The following CADPS2 variants were observed in gnomAD, a reference collection of about 807,000 sequenced individuals.
The protein encoded by CADPS2 is calcium dependent secretion activator 2.
CADPS2 carries 93 observed loss-of-function variants against 172.5 expected under a neutral mutation model. The ratio of observed to expected loss-of-function variants is 0.54; its 90% CI spans 0.46 to 0.64. The LOEUF (loss-of-function observed/expected upper bound fraction) is 0.64. Among genes scored for constraint, CADPS2 ranks in the 30% least tolerant of loss-of-function variants. The probability of loss-of-function intolerance (pLI) is 0.00; values close to 1 mark genes in which losing one functional copy is unlikely to be tolerated. For missense variants in CADPS2, 1,420 were observed against 1,565.9 expected, an observed-to-expected ratio of 0.91 and a Z score of 1.57; for synonymous variants, 546 against 555.2, an observed-to-expected ratio of 0.98 and a Z score of 0.23.
chr7:122,480,903 G>A (rs2057209261), intron 11 of CADPS2, 43 bp from the exon 12 acceptor site: 1 of 1,479,338 alleles, frequency 6.8e-7, no homozygotes. Context: ...ATATTTAAAT[G>A]GGTTGGGAAC....
At chr7:122,779,739 C>T (rs557359771) in intron 1 of CADPS2, among the ~76,000 whole-genome samples, 1 of 152,304 alleles carries the variant, frequency 6.6e-6, no homozygotes, top group Admixed American at 6.5e-5. Context: ...ACGATTCTCA[C>T]AGGTAGAATC....
chr7:122,493,539 T>G (rs2058480544), intron 9 of CADPS2, among the ~76,000 whole-genome samples: 1 of 152,062 alleles, frequency 6.6e-6, no homozygotes, highest in East Asian at 1.9e-4. Context: ...AAATGCTGAT[T>G]AGATAAGCAA....
chr7:122,843,856 T>C (rs144794886), intron 1 of CADPS2, among the ~76,000 whole-genome samples: 3,747 of 151,990 alleles, frequency 0.025, 78 homozygotes, highest in Non-Finnish European at 0.034. Flanking sequence ...GAGGCAAAAG[T>C]GTAAAGTGAA....
At chr7:122,853,823 G>T (rs1277321117) in intron 1 of CADPS2, among the ~76,000 whole-genome samples, 1 of 152,172 alleles carries the variant, frequency 6.6e-6, no homozygotes, top group Non-Finnish European at 1.5e-5. Context: ...AAGCGGATGT[G>T]GGGAAGGGAG....
chr7:122,499,131 G>A (rs139917331), intron 9 of CADPS2, among the ~76,000 whole-genome samples: 5 of 152,176 alleles, frequency 3.3e-5, no homozygotes, highest in Non-Finnish European at 7.3e-5. Flanking sequence ...AATTCTGAGG[G>A]TTAATTTTCC....
chr7:122,356,503 T>G (rs1176348060), intron 27 of CADPS2, among the ~76,000 whole-genome samples: 1 of 152,164 alleles, frequency 6.6e-6, no homozygotes, highest in East Asian at 1.9e-4. Context: ...CCATCTTCCT[T>G]TGCTTATTGT....
At chr7:122,793,607 G>C (rs1795746957) in intron 1 of CADPS2, among the ~76,000 whole-genome samples, 1 of 152,070 alleles carries the variant, frequency 6.6e-6, no homozygotes, top group Non-Finnish European at 1.5e-5. Context: ...TCTTTTAATT[G>C]GGACATTTAA....
At chr7:122,338,360 C>T (rs1486042192) in intron 28 of CADPS2, among the ~76,000 whole-genome samples, 1 of 152,130 alleles carries the variant, frequency 6.6e-6, no homozygotes, top group Non-Finnish European at 1.5e-5. Context: ...CGCCACTGCA[C>T]TCTAGCTTGG....
intron 1 of CADPS2, among the ~76,000 whole-genome samples, chr7:122,874,868 T>A (rs1342857497): frequency 6.6e-6 from 1 of 152,084 alleles, no homozygotes; most frequent in Non-Finnish European, 1.5e-5. Context: ...TTATACCTTA[T>A]ACAAAAATTA....
rs1813038345 is a variant in CADPS2 at position 122,849,829 on chromosome 7, T to C, written c.339+36170A>G. The C allele has an allele frequency of 1.3e-5, 7 of 556,958 alleles. No individual in the cohort carries two copies. The Admixed American group carries it at 1.6e-4, about 12-fold the overall frequency. 34.5% of individuals were successfully genotyped at this position (556,958 alleles called of 1,614,324 possible). On this transcript the variant is annotated intron_variant, in intron 1 of 29. Transcript: ENST00000449022. Reference sequence around the variant, plus strand: ...CATCCCTCAGCACCATCAACTATGATGAGTTTCCCACTATGGTGTTTCCTT... The same window carrying C: ...CATCCCTCAGCACCATCAACTATGACGAGTTTCCCACTATGGTGTTTCCTT...
At chr7:122,809,466 A>G (rs1441390918) in intron 1 of CADPS2, among the ~76,000 whole-genome samples, 1 of 151,728 alleles carries the variant, frequency 6.6e-6, no homozygotes, top group African/African-American at 2.4e-5. Flanking sequence ...CTGTAATCCC[A>G]GCTACTCGGG....
At chr7:122,856,264 AT>A in intron 1 of CADPS2, among the ~76,000 whole-genome samples, 1 of 152,242 alleles carries the variant, frequency 6.6e-6, no homozygotes, top group East Asian at 1.9e-4. Flanking sequence ...CCTCATTGGA[AT>A]ATCCCCAAAT....
intron 14 of CADPS2, among the ~76,000 whole-genome samples, chr7:122,460,821 T>C (rs540846025): frequency 1.3e-5 from 2 of 152,262 alleles, no homozygotes; most frequent in South Asian, 4.1e-4. Flanking sequence ...TTTCCAGGAC[T>C]AAATAATTTG....
chr7:122,826,296 C>G (rs1032462190), intron 1 of CADPS2, among the ~76,000 whole-genome samples: 1 of 152,182 alleles, frequency 6.6e-6, no homozygotes. Context: ...CAGTGTTCTC[C>G]TTTCTCATGG....
intron 7 of CADPS2, among the ~76,000 whole-genome samples, chr7:122,564,549 C>T (rs2066156717): frequency 2.0e-5 from 3 of 152,016 alleles, no homozygotes; most frequent in Admixed American, 2.0e-4. Flanking sequence ...CCTCGTGATC[C>T]ACCTACCTCG....
At chr7:122,760,698 A>G (rs1032360663) in intron 1 of CADPS2, among the ~76,000 whole-genome samples, 3 of 151,788 alleles carry the variant, frequency 2.0e-5, no homozygotes, top group African/African-American at 7.3e-5. Context: ...TATTCTCAGC[A>G]AACTATCGCA....
intron 23 of CADPS2, among the ~76,000 whole-genome samples, 164 bp downstream of exon 23, chr7:122,388,419 A>G (rs949763196): frequency 2.6e-5 from 4 of 152,076 alleles, no homozygotes; most frequent in Non-Finnish European, 4.4e-5. Flanking sequence ...CATCAATTAC[A>G]TGGGTCCCCA....
At chr7:122,463,027 T>A (rs1445042071) in intron 14 of CADPS2, among the ~76,000 whole-genome samples, 1 of 152,120 alleles carries the variant, frequency 6.6e-6, no homozygotes, top group Non-Finnish European at 1.5e-5. Context: ...AAAACCACCA[T>A]GACAGTGGTA....
chr7:122,527,490 T>G (rs1586869480), intron 8 of CADPS2, among the ~76,000 whole-genome samples: 1 of 151,428 alleles, frequency 6.6e-6, no homozygotes, highest in East Asian at 1.9e-4. Context: ...ATTCAGTATC[T>G]CTTTTCTTTG....
Sources: allele counts gnomAD v4.1 joint callset (sites outside exome capture counted in the v4.1 genomes callset), GRCh38; gene constraint gnomAD v4.1.1; transcripts MANE v1.5; gene names NCBI Gene and HGNC (gene_info 2026-07-23, HGNC 2026-07-21).